Variants in RPP30 observed in about 807,000 individuals in gnomAD.
RPP30 encodes ribonuclease P protein subunit p30.
In RPP30, 36 loss-of-function variants were observed where a neutral mutation model predicts 38.6. The ratio of observed to expected loss-of-function variants is 0.93; its 90% CI spans 0.71 to 1.23. RPP30 has a LOEUF of 1.23. Among genes scored for constraint, RPP30 ranks in the 50% most tolerant of loss-of-function variants. The probability of loss-of-function intolerance (pLI) is 0.00; values close to 1 mark genes in which losing one functional copy is unlikely to be tolerated. For synonymous variants in RPP30, 126 were observed against 112.7 expected, an observed-to-expected ratio of 1.12 and a Z score of -0.75; for missense variants, 321 against 321.7, an observed-to-expected ratio of 1.00 and a Z score of 0.02.
At chr10:90,895,975 A>G in intron 9 of RPP30, 58 bp downstream of exon 9, 1 of 1,320,178 alleles carries the variant, frequency 7.6e-7, no homozygotes, top group African/African-American at 1.5e-5. Context: ...TTTGAATTTG[A>G]AGTCGTATTA....
chr10:90,874,626 A>G (rs12246757), intron 1 of RPP30, among the ~76,000 whole-genome samples: 73,804 of 152,098 alleles, frequency 0.49, 21,479 homozygotes, highest in African/African-American at 0.83. Flanking sequence ...ATTTCATGAC[A>G]GTGTATGAAG....
intron 6 of RPP30, among the ~76,000 whole-genome samples, chr10:90,894,170 A>C (rs1847113088): frequency 6.6e-6 from 1 of 152,212 alleles, no homozygotes; most frequent in African/African-American, 2.4e-5. Flanking sequence ...GGCAATTTGC[A>C]GGCTTTGCAG....
intron 4 of RPP30, among the ~76,000 whole-genome samples, chr10:90,877,414 C>T (rs1846867062): frequency 6.6e-6 from 1 of 152,088 alleles, no homozygotes; most frequent in South Asian, 2.1e-4. Context: ...ATGAGACTCC[C>T]TGGCCAAAGT....
At chr10:90,906,892 A>G (rs932268869), downstream of RPP30, among the ~76,000 whole-genome samples, 3 of 152,220 alleles carry the variant, frequency 2.0e-5, no homozygotes, top group Non-Finnish European at 2.9e-5. Flanking sequence ...GAGTTGAGTC[A>G]GTGAGAAGGC....
chr10:90,875,246 T>G (rs544470370), intron 2 of RPP30, among the ~76,000 whole-genome samples: 8 of 97,240 alleles, frequency 8.2e-5, no homozygotes, highest in African/African-American at 4.7e-4. Context: ...CATGGGCTTA[T>G]TAACTACTTT....
chr10:90,880,780 G>A (rs1846918622), intron 5 of RPP30, among the ~76,000 whole-genome samples: 1 of 152,014 alleles, frequency 6.6e-6, no homozygotes, highest in South Asian at 2.1e-4. Flanking sequence ...TAGTTAAAGG[G>A]GTAAGTAGAA....
At chr10:90,884,822 T>C (rs1384089654) in intron 5 of RPP30, among the ~76,000 whole-genome samples, 1 of 152,252 alleles carries the variant, frequency 6.6e-6, no homozygotes, top group Non-Finnish European at 1.5e-5. Context: ...CCCTGGTACA[T>C]GCCACTGATG....
At chr10:90,873,055 A>G (rs543121363) in intron 1 of RPP30, among the ~76,000 whole-genome samples, 5 of 152,282 alleles carry the variant, frequency 3.3e-5, no homozygotes, top group South Asian at 2.1e-4. Context: ...TTACCTCCTC[A>G]ATGAGGCTTT....
Position 90,900,649 on chromosome 10 carries a change from A to G in RPP30, c.777A>G (p.Pro259=). The change falls in exon 11 of 11, where the codon CCA becomes CCG. Residue 259 remains proline (P), a synonymous_variant. Transcript: ENST00000371703. ...RPSEGDEDCL[P]ASKKAKCEG The stretch of plus-strand genomic sequence containing the variant: ...CAGAAGGAGATGAAGATTGTCTTCC[A>G]GCTTCCAAGAAAGCCAAGTGTGAGG... The G allele has an allele frequency of 6.2e-7, 1 of 1,613,712 alleles. No individual in the cohort carries two copies. The highest frequency in any genetic ancestry group is 8.5e-7 in the Non-Finnish European group (1 of 1,179,788).
intron 6 of RPP30, among the ~76,000 whole-genome samples, chr10:90,889,220 G>A (rs1847041545): frequency 6.6e-6 from 1 of 151,344 alleles, no homozygotes; most frequent in Admixed American, 6.6e-5. Flanking sequence ...GTCCTTGCAT[G>A]TTCCCTTGGC....
intron 8 of RPP30, 77 bp downstream of exon 8, chr10:90,895,560 T>G (rs1847130286): frequency 1.2e-6 from 1 of 820,108 alleles, no homozygotes; most frequent in African/African-American, 1.8e-5. Flanking sequence ...TAAATTAAAA[T>G]AGTAAATGAA....
At chr10:90,872,248 T>C in intron 1 of RPP30, 180 bp downstream of exon 1, 1 of 616,066 alleles carries the variant, frequency 1.6e-6, no homozygotes, top group Non-Finnish European at 2.9e-6. Flanking sequence ...ACTCGAAGGT[T>C]CTGGGGGTTG....
At chr10:90,902,200 C>T, downstream of RPP30, 1 of 834,814 alleles carries the variant, frequency 1.2e-6, no homozygotes, top group Non-Finnish European at 1.5e-6. Context: ...TGCATCATGA[C>T]CAGGTGAAAT....
rs768158391 is a variant in RPP30 at position 90,872,054 on chromosome 10, A to G, written c.68A>G (p.Glu23Gly). The change falls in exon 1 of 11, where the codon GAG (glutamate) becomes GGG (glycine). Residue 23 changes from glutamate (E) to glycine (G), a missense_variant. Physicochemically the swap from Glu to Gly is moderately conservative, Grantham distance 98. Transcript: ENST00000371703. ...SDLKALRGLV[E>G]TAAHLGYSVV... is the part of the protein sequence containing the mutation. Reference sequence around the variant, plus strand: ...CTGAAGGCTCTGCGCGGACTTGTGGAGACAGCCGCTCACCGTGAGTTGCCC... The same window carrying G: ...CTGAAGGCTCTGCGCGGACTTGTGGGGACAGCCGCTCACCGTGAGTTGCCC... The G allele has an allele frequency of 6.2e-7, 1 of 1,613,866 alleles. No individual in the cohort carries two copies. Among genetic ancestry groups the G allele is most frequent in the Non-Finnish European group, 8.5e-7 (1 of 1,179,948 alleles).
intron 1 of RPP30, 111 bp downstream of exon 1, chr10:90,872,179 TG>T: frequency 1.1e-6 from 1 of 937,056 alleles, no homozygotes. Flanking sequence ...CCAGAGTCTC[TG>T]GGATGTCCCT....
downstream of RPP30, among the ~76,000 whole-genome samples, chr10:90,902,639 G>A (rs1348783842): frequency 6.6e-6 from 1 of 152,052 alleles, no homozygotes; most frequent in South Asian, 2.1e-4. Flanking sequence ...ATCCACTCCT[G>A]ATTTTTAAAA....
At chr10:90,887,379 T>C (rs1379296280) in intron 6 of RPP30, among the ~76,000 whole-genome samples, 1 of 151,788 alleles carries the variant, frequency 6.6e-6, no homozygotes, top group African/African-American at 2.4e-5. Flanking sequence ...AAGCTCTTGT[T>C]GGGTAAATTT....
intron 6 of RPP30, among the ~76,000 whole-genome samples, chr10:90,888,949 T>A (rs1847038473): frequency 6.6e-6 from 1 of 152,182 alleles, no homozygotes; most frequent in Non-Finnish European, 1.5e-5. Flanking sequence ...CACAAGATTA[T>A]TTTTAGTCTT....
At chr10:90,881,983 C>T (rs1392368607) in intron 5 of RPP30, among the ~76,000 whole-genome samples, 5 of 151,988 alleles carry the variant, frequency 3.3e-5, no homozygotes, top group East Asian at 1.9e-4. Context: ...TCAGAGTATC[C>T]GGAAGATGTC....
Sources: gnomAD v4.1 joint callset for allele counts (sites outside exome capture counted in the v4.1 genomes callset) on GRCh38, gnomAD v4.1.1 for gene constraint, MANE v1.5 for transcripts, NCBI Gene and HGNC (gene_info 2026-07-23, HGNC 2026-07-21) for gene names.